The following ADGRL3 variants were observed in gnomAD, a reference collection of about 807,000 sequenced individuals.
ADGRL3 encodes the protein calcium-independent alpha-latrotoxin receptor 3.
In ADGRL3, 62 loss-of-function variants were observed where a neutral mutation model predicts 153.5. The observed-to-expected ratio is 0.40, with a 90% CI of 0.33 to 0.50. The LOEUF is 0.50. Among genes scored for constraint, ADGRL3 ranks in the 20% least tolerant of loss-of-function variants. ADGRL3 has a pLI of 0.47. For missense variants in ADGRL3, 1,641 were observed against 1,859.4 expected (o/e 0.88, Z 2.16); for synonymous variants, 710 against 672.5 (o/e 1.06, Z -0.86).
At chr4:61,915,505 A>G (rs1339020450) in intron 13 of ADGRL3, among the ~76,000 whole-genome samples, 2 of 152,018 alleles carry the variant, frequency 1.3e-5, no homozygotes, top group Non-Finnish European at 2.9e-5. Context: ...ATTTAAACCT[A>G]TGAAACACAT....
intron 23 of ADGRL3, among the ~76,000 whole-genome samples, chr4:62,033,796 T>G (rs1263052919): frequency 2.6e-5 from 4 of 151,810 alleles, no homozygotes; most frequent in Non-Finnish European, 5.9e-5. Flanking sequence ...ACATAATTTT[T>G]AAATTTTATT....
intron 2 of ADGRL3, among the ~76,000 whole-genome samples, chr4:61,389,969 AAAC>A: frequency 1.3e-5 from 2 of 152,198 alleles, no homozygotes; most frequent in South Asian, 4.1e-4. Context: ...AGTGTATACA[AAAC>A]AACAATAATA....
chr4:61,488,466 C>A (rs918601715), intron 2 of ADGRL3, among the ~76,000 whole-genome samples: 9 of 151,868 alleles, frequency 5.9e-5, no homozygotes, highest in Admixed American at 5.9e-4. Flanking sequence ...AATAAGTCTT[C>A]CTTGCTCTGA....
intron 5 of ADGRL3, among the ~76,000 whole-genome samples, chr4:61,601,556 C>T (rs1420186625): frequency 6.6e-6 from 1 of 152,058 alleles, no homozygotes; most frequent in Admixed American, 6.6e-5. Flanking sequence ...GTTCATGAAG[C>T]CCAAATAACC....
chr4:61,593,462 G>T (rs932479011), intron 5 of ADGRL3, among the ~76,000 whole-genome samples: 3 of 151,684 alleles, frequency 2.0e-5, no homozygotes. Context: ...ACTCCCTTTA[G>T]CATTACCTGT....
intron 9 of ADGRL3, among the ~76,000 whole-genome samples, chr4:61,821,189 CAA>C (rs34391051): frequency 4.6e-4 from 50 of 107,784 alleles, no homozygotes; most frequent in African/African-American, 9.4e-4. Context: ...TGCCAATTAC[CAA>C]AAAAAAAAAA....
At chr4:61,298,911 G>A (rs967689253) in intron 1 of ADGRL3, among the ~76,000 whole-genome samples, 1 of 151,948 alleles carries the variant, frequency 6.6e-6, no homozygotes, top group African/African-American at 2.4e-5. Flanking sequence ...ATCAAATGTT[G>A]GCTTTTCATT....
chr4:61,858,722 G>A lies in ADGRL3; in HGVS notation c.1481-33934G>A, dbSNP rs577510415. Among the ~76,000 whole-genome samples the A allele has an allele frequency of 2.0e-4, 31 of 152,086 alleles. No individual in the cohort carries two copies. In the South Asian group the frequency reaches 4.6e-3, roughly 22 times the overall value. On this transcript the variant is annotated intron_variant, in intron 9 of 26. Coordinates refer to ENST00000683033, the MANE Select transcript of ADGRL3 (RefSeq NM_001387552.1). ...TCTTTTGTTTGTTTGTTTGTTTTTC[G>A]AACTATTACAAAATGGAAAAAACAT...
intron 19 of ADGRL3, among the ~76,000 whole-genome samples, chr4:61,986,643 C>T (rs1006331649): frequency 1.3e-5 from 2 of 151,874 alleles, no homozygotes; most frequent in African/African-American, 4.8e-5. Flanking sequence ...TTTTCCAACA[C>T]AAAGAGAAGC....
intron 2 of ADGRL3, among the ~76,000 whole-genome samples, chr4:61,487,174 G>C (rs773771720): frequency 1.1e-4 from 17 of 152,100 alleles, no homozygotes; most frequent in Non-Finnish European, 1.9e-4. Context: ...TATAGGTGAC[G>C]AGAAGCAGTA....
At chr4:61,902,515 A>G (rs960145483) in intron 11 of ADGRL3, among the ~76,000 whole-genome samples, 42 of 152,190 alleles carry the variant, frequency 2.8e-4, no homozygotes, top group Middle Eastern at 6.8e-3. Flanking sequence ...GCTCTTCAGG[A>G]CCTTCCCATT....
intron 18 of ADGRL3, 97 bp from the exon 19 acceptor site, chr4:61,983,286 T>C (rs2099074802): frequency 2.4e-6 from 2 of 824,558 alleles, no homozygotes; most frequent in Non-Finnish European, 3.9e-6. Context: ...AGATCTATTG[T>C]AATGCAGTTT....
At chr4:61,297,729 T>G (rs1023963881) in intron 1 of ADGRL3, among the ~76,000 whole-genome samples, 2 of 151,966 alleles carry the variant, frequency 1.3e-5, no homozygotes, top group Non-Finnish European at 2.9e-5. Flanking sequence ...TTGTTTTAAT[T>G]ATCTCAAGAG....
intron 2 of ADGRL3, among the ~76,000 whole-genome samples, chr4:61,389,728 A>G (rs528489996): frequency 1.8e-4 from 27 of 152,326 alleles, no homozygotes; most frequent in Non-Finnish European, 3.5e-4. Context: ...AATTATTCAG[A>G]CAGTCATTCC....
chr4:61,585,230 T>C (rs1402743448), intron 4 of ADGRL3, among the ~76,000 whole-genome samples: 1 of 151,978 alleles, frequency 6.6e-6, no homozygotes, highest in Non-Finnish European at 1.5e-5. Flanking sequence ...GCAGTGCAGC[T>C]TGAATAACTT....
chr4:61,746,729 G>A (rs1429950243), intron 8 of ADGRL3, among the ~76,000 whole-genome samples: 1 of 152,138 alleles, frequency 6.6e-6, no homozygotes, highest in Non-Finnish European at 1.5e-5. Flanking sequence ...GAAATTTATA[G>A]CACTAAATGT....
At chr4:61,845,259 A>G (rs766793787) in intron 9 of ADGRL3, among the ~76,000 whole-genome samples, 16 of 152,098 alleles carry the variant, frequency 1.1e-4, no homozygotes, top group Non-Finnish European at 2.4e-4. Context: ...GAGAAACATG[A>G]AAAAGCTATG....
intron 4 of ADGRL3, among the ~76,000 whole-genome samples, chr4:61,557,529 G>A (rs559586694): frequency 3.3e-5 from 5 of 152,218 alleles, no homozygotes; most frequent in South Asian, 2.1e-4. Context: ...AAATAAATGG[G>A]CATTTTAATG....
chr4:61,994,145 G>GT (rs1553904690), intron 19 of ADGRL3, among the ~76,000 whole-genome samples: 3 of 151,906 alleles, frequency 2.0e-5, no homozygotes, highest in Non-Finnish European at 4.4e-5. Context: ...TTCGTTTTTC[G>GT]TTTTTGTTTT....
Sources: gnomAD v4.1 joint callset for allele counts (sites outside exome capture counted in the v4.1 genomes callset) on GRCh38, gnomAD v4.1.1 for gene constraint, MANE v1.5 for transcripts, NCBI Gene and HGNC (gene_info 2026-07-23, HGNC 2026-07-21) for gene names.